SCAF8: variants seen among roughly 807,000 people sequenced by gnomAD.
SCAF8 encodes the protein SR-related and CTD-associated factor 8.
Under a neutral mutation model 140.5 loss-of-function variants are expected in SCAF8, and 23 were observed. The observed-to-expected ratio is 0.16, with a 90% CI of 0.12 to 0.23. The LOEUF is 0.23. Ranked by LOEUF, SCAF8 falls within the 10% of genes least tolerant of loss-of-function variation. The pLI is 1.00. For missense variants in SCAF8, 1,397 were observed against 1,555.7 expected (o/e 0.90, Z 1.72); for synonymous variants, 575 against 528.9 (o/e 1.09, Z -1.20).
At chr6:154,781,088 CGTT>C (rs1777070951) in intron 3 of SCAF8, among the ~76,000 whole-genome samples, 1 of 152,078 alleles carries the variant, frequency 6.6e-6, no homozygotes, top group Non-Finnish European at 1.5e-5. Flanking sequence ...GAGTTTATCT[CGTT>C]GTTTTGCCCC....
chr6:154,756,796 G>A (rs539203691), intron 1 of SCAF8, among the ~76,000 whole-genome samples: 1 of 152,294 alleles, frequency 6.6e-6, no homozygotes, highest in South Asian at 2.1e-4. Flanking sequence ...GGAAGCGGAG[G>A]AGGGCGGATC....
chr6:154,819,244 C>T (rs1004804617), intron 14 of SCAF8, among the ~76,000 whole-genome samples: 4 of 152,074 alleles, frequency 2.6e-5, no homozygotes, highest in African/African-American at 7.2e-5. Context: ...GACTGAGTTT[C>T]TTGTGTAAAC....
intron 7 of SCAF8, 46 bp from the exon 8 acceptor site, chr6:154,803,498 G>T (rs777995992): frequency 7.6e-7 from 1 of 1,310,036 alleles, no homozygotes; most frequent in Admixed American, 1.7e-5. Context: ...ACTTGTATTT[G>T]TGTGAAGCAC....
intron 3 of SCAF8, among the ~76,000 whole-genome samples, chr6:154,785,475 C>G (rs1016983944): frequency 6.6e-6 from 1 of 152,196 alleles, no homozygotes; most frequent in Non-Finnish European, 1.5e-5. Flanking sequence ...GTTTGTGGTG[C>G]TCCCCATTTT....
chr6:154,736,677 G>A (rs1326960745), intron 1 of SCAF8, among the ~76,000 whole-genome samples: 1 of 152,116 alleles, frequency 6.6e-6, no homozygotes, highest in East Asian at 1.9e-4. Flanking sequence ...CCAGTTTTTC[G>A]TTTTAATATT....
At chr6:154,791,051 A>G (rs547579877) in intron 4 of SCAF8, among the ~76,000 whole-genome samples, 18 of 152,214 alleles carry the variant, frequency 1.2e-4, no homozygotes, top group Non-Finnish European at 2.4e-4. Context: ...TCTGGGTGAA[A>G]TGTTTATTTC....
chr6:154,759,697 C>G (rs1779051374), intron 1 of SCAF8, among the ~76,000 whole-genome samples: 1 of 142,824 alleles, frequency 7.0e-6, no homozygotes, highest in Admixed American at 7.1e-5. Context: ...TGGAGTCTCG[C>G]TCTTGTCACC....
rs1554260676 is a variant in SCAF8, at chr6:154,784,155, A to ATTTATT, written c.160-3705_160-3704insTTATTT. ...TATATATATATATATATATATATATATATTTATTTATTTATTTTTCATGTA... is the reference window on the plus strand; with the variant it reads ...TATATATATATATATATATATATATATTTATTTATTTATTTATTTATTTTTCATGTA... On this transcript the variant is annotated intron_variant, in intron 3 of 19. Coordinates refer to ENST00000367178, the MANE Select transcript of SCAF8 (RefSeq NM_014892.5). Among the ~76,000 whole-genome samples the ATTTATT allele has an allele frequency of 5.4e-3, 492 of 91,794 alleles. 1 individual carries two copies. The highest frequency in any genetic ancestry group is 0.014 in the Middle Eastern group (2 of 138). 60.2% of individuals were successfully genotyped at this position (91,794 alleles called of 152,430 possible).
chr6:154,779,358 C>G (rs996511614), intron 3 of SCAF8, among the ~76,000 whole-genome samples: 2 of 152,076 alleles, frequency 1.3e-5, no homozygotes, highest in African/African-American at 4.8e-5. Context: ...ATGTCTTACA[C>G]TATGCCTCAT....
intron 3 of SCAF8, among the ~76,000 whole-genome samples, chr6:154,786,125 A>G (rs1777250533): frequency 6.6e-6 from 1 of 152,240 alleles, no homozygotes; most frequent in Non-Finnish European, 1.5e-5. Context: ...TATTACTCAA[A>G]TCAGTCTCCA....
intron 7 of SCAF8, among the ~76,000 whole-genome samples, chr6:154,803,141 A>G (rs1486181649): frequency 6.6e-6 from 1 of 152,176 alleles, no homozygotes; most frequent in Non-Finnish European, 1.5e-5. Flanking sequence ...TAGACCACAT[A>G]AAAAGCCTTT....
At chr6:154,777,173 T>C (rs1445927303) in intron 2 of SCAF8, among the ~76,000 whole-genome samples, 1 of 151,086 alleles carries the variant, frequency 6.6e-6, no homozygotes, top group African/African-American at 2.4e-5. Context: ...AGAGTGAGAG[T>C]GTGTCTCCAA....
At position 154,736,265 on chromosome 6, in the gene SCAF8, C is replaced by CTTTTTT. The variant is rs71021071; in HGVS notation, c.30+2351_30+2356dup. 2.5e-5 allele frequency among the ~76,000 whole-genome samples: 2 copies of CTTTTTT among 78,448 alleles called. 1 individual carries two copies. Among genetic ancestry groups the CTTTTTT allele is most frequent in the African/African-American group, 1.2e-4 (2 of 16,920 alleles). The allele number at this position is 78,448 out of a possible 152,430, so 51.5% of individuals were successfully genotyped here. A position where few individuals can be genotyped will look rare whatever the true frequency, so the allele number is the denominator to read the frequency against. On this transcript the variant is annotated intron_variant, in intron 1 of 19. Transcript: ENST00000367178. The stretch of plus-strand genomic sequence containing the variant: ...CTCCCCCTCAAAGGGCCATCCAAGA[C>CTTTTTT]TTTTTTTTTTTTTTTTTTTTTGGAG...
chr6:154,801,202 T>G (rs1050597009), intron 6 of SCAF8, among the ~76,000 whole-genome samples: 13 of 151,612 alleles, frequency 8.6e-5, no homozygotes, highest in African/African-American at 2.4e-4. Flanking sequence ...TGTTACTGTT[T>G]TAAGTAGGCA....
rs116025425 is a variant in SCAF8, at chr6:154,826,603, C to T, written c.2072-569C>T. Among the ~76,000 whole-genome samples, 323 of 152,040 alleles carry T rather than the reference C, an allele frequency of 2.1e-3. 1 individual carries two copies. The highest frequency in any genetic ancestry group is 7.4e-3 in the African/African-American group (305 of 41,476). On this transcript the variant is annotated intron_variant, in intron 17 of 19. Transcript: ENST00000367178. ...GTGGTATTTAAAATGATTAAGAAGC[C>T]GAGTGCCATAGTGTGTGCTTCTGGT...
At chr6:154,734,315 A>C (rs1054364593) in intron 1 of SCAF8, among the ~76,000 whole-genome samples, 1 of 152,158 alleles carries the variant, frequency 6.6e-6, no homozygotes, top group East Asian at 1.9e-4. Flanking sequence ...GACGCTGGAC[A>C]TGACTCTCCA....
rs749664488 is a variant in SCAF8 at position 154,833,137 on chromosome 6, T to C, written c.3558T>C (p.Thr1186=). The C allele has an allele frequency of 1.2e-6, 2 of 1,614,092 alleles. No individual in the cohort carries two copies. The highest frequency in any genetic ancestry group is 1.1e-5 in the South Asian group (1 of 91,080). ...NRLGRDRIQN[T]WVPPPHARVF... Reference sequence around the variant, plus strand: ...TTGGACGAGACAGAATTCAAAACACTTGGGTTCCCCCTCCTCATGCTCGGG... The same window carrying C: ...TTGGACGAGACAGAATTCAAAACACCTGGGTTCCCCCTCCTCATGCTCGGG... Residue 1186 remains threonine, a synonymous_variant, in exon 20 of 20, where the codon ACT becomes ACC. Coordinates refer to ENST00000367178, the MANE Select transcript of SCAF8 (RefSeq NM_014892.5).
intron 12 of SCAF8, among the ~76,000 whole-genome samples, chr6:154,814,572 T>C (rs1226553972): frequency 6.6e-6 from 1 of 152,152 alleles, no homozygotes; most frequent in African/African-American, 2.4e-5. Flanking sequence ...TTGCCAAGGG[T>C]ACCTTCATGT....
chr6:154,798,488 A>G lies in SCAF8; in HGVS notation c.606+3349A>G, dbSNP rs752194337. Among the ~76,000 whole-genome samples the G allele has an allele frequency of 1.3e-4, 19 of 151,492 alleles. 1 individual carries two copies. Among genetic ancestry groups the G allele is most frequent in the Non-Finnish European group, 2.2e-4 (15 of 67,692 alleles). On this transcript the variant is annotated intron_variant, in intron 6 of 19. Coordinates refer to ENST00000367178, the MANE Select transcript of SCAF8 (RefSeq NM_014892.5). ...TCCATTTGCTCATACCCAAAAGCTT[A>G]AGAGTCATCCTTGATTCCTTTCTTC...
Sources: allele counts gnomAD v4.1 joint callset (sites outside exome capture counted in the v4.1 genomes callset), GRCh38; gene constraint gnomAD v4.1.1; transcripts MANE v1.5; gene names NCBI Gene and HGNC (gene_info 2026-07-23, HGNC 2026-07-21).